Variants in LAYN observed in about 807,000 individuals in gnomAD.
The protein encoded by LAYN is layilin.
LAYN carries 38 observed loss-of-function variants against 43.6 expected under a neutral mutation model. The observed-to-expected ratio is 0.87, with a 90% confidence interval of 0.67 to 1.14. The LOEUF (loss-of-function observed/expected upper bound fraction) is 1.14, where lower values mean the gene tolerates loss of function less well. Among genes scored for constraint, LAYN ranks in the 50% most tolerant of loss-of-function variants. LAYN has a pLI of 0.00. For missense variants in LAYN, 479 were observed against 463.8 expected (o/e 1.03, Z -0.30); for synonymous variants, 168 against 172.9 (o/e 0.97, Z 0.22).
chr11:111,545,665 C>A (rs73555151), intron 2 of LAYN, among the ~76,000 whole-genome samples: 3,137 of 152,246 alleles, frequency 0.021, 119 homozygotes, highest in African/African-American at 0.071. Context: ...CTTGTATCTT[C>A]TGACAGTCCC....
chr11:111,557,231 G>A (rs1867862724), intron 5 of LAYN, among the ~76,000 whole-genome samples: 1 of 151,866 alleles, frequency 6.6e-6, no homozygotes, highest in Admixed American at 6.6e-5. Context: ...ATATTTGGAA[G>A]ACCTAAAAAT....
chr11:111,554,191 G>A (rs1027049397), intron 3 of LAYN, among the ~76,000 whole-genome samples: 3 of 152,138 alleles, frequency 2.0e-5, no homozygotes, highest in Non-Finnish European at 2.9e-5. Context: ...GCAGGGGAGA[G>A]GAGTAGGGAT....
intron 2 of LAYN, 57 bp downstream of exon 2, chr11:111,544,277 A>C: frequency 6.5e-7 from 1 of 1,533,316 alleles, no homozygotes; most frequent in Non-Finnish European, 8.8e-7. Flanking sequence ...AAAAAGAGGC[A>C]GGCTGGATCC....
At chr11:111,542,325 C>G (rs870360) in intron 1 of LAYN, among the ~76,000 whole-genome samples, 1,628 of 152,244 alleles carry the variant, frequency 0.011, 40 homozygotes, top group African/African-American at 0.037. Flanking sequence ...TAGAGTTTCT[C>G]TATTATCAGC....
intron 6 of LAYN, among the ~76,000 whole-genome samples, chr11:111,558,067 A>T (rs1867876940): frequency 6.6e-6 from 1 of 152,230 alleles, no homozygotes. Context: ...AAACCACTTA[A>T]TTCAAACTGA....
chr11:111,540,984 G>C, intron 1 of LAYN, 56 bp downstream of exon 1: 1 of 1,475,864 alleles, frequency 6.8e-7, no homozygotes, highest in Non-Finnish European at 9.1e-7. Flanking sequence ...CTGCACCCCA[G>C]CTGCTGCTGA....
At chr11:111,546,755 A>G (rs1485587072) in intron 2 of LAYN, among the ~76,000 whole-genome samples, 2 of 152,186 alleles carry the variant, frequency 1.3e-5, no homozygotes, top group Non-Finnish European at 2.9e-5. Flanking sequence ...TTCCTTGCTC[A>G]TGATGGGCAG....
chr11:111,546,757 G>T (rs999063967), intron 2 of LAYN, among the ~76,000 whole-genome samples: 2 of 152,220 alleles, frequency 1.3e-5, no homozygotes, highest in Non-Finnish European at 2.9e-5. Flanking sequence ...CCTTGCTCAT[G>T]ATGGGCAGGT....
chr11:111,543,909 T>C lies in LAYN; in HGVS notation c.86-14T>C, dbSNP rs1867593896. 6.3e-7 allele frequency: 1 copy of C among 1,593,202 alleles called. No homozygotes were observed. The highest frequency in any genetic ancestry group is 2.2e-5 in the East Asian group (1 of 44,746). Reference sequence around the variant, plus strand: ...TTTGAGACACTGAAATAGATTGGCTTCTTTTTTCTCTAGGGCAGCCAGTCT... The same window carrying C: ...TTTGAGACACTGAAATAGATTGGCTCCTTTTTTCTCTAGGGCAGCCAGTCT... On this transcript the variant is annotated splice_polypyrimidine_tract_variant and intron_variant, in intron 1 of 6. Coordinates refer to ENST00000375614, the MANE Select transcript of LAYN (RefSeq NM_178834.5).
Position 111,560,012 on chromosome 11 carries a change from T to G in LAYN, c.762-83T>G, listed in dbSNP as rs573713445. On this transcript the variant is annotated intron_variant, in intron 6 of 6. Coordinates refer to ENST00000375614, the MANE Select transcript of LAYN (RefSeq NM_178834.5). Reference sequence around the variant, plus strand: ...CAGCTGGGTGACTGCCCAGGGCTGCTTCCTCTCGTCTCAACAGGAAGCACA... The same window carrying G: ...CAGCTGGGTGACTGCCCAGGGCTGCGTCCTCTCGTCTCAACAGGAAGCACA... 1.7e-5 allele frequency: 25 copies of G among 1,489,296 alleles called. No homozygotes were observed. In the Admixed American group the frequency reaches 5.5e-4, roughly 33 times the overall value. 92.3% of individuals were successfully genotyped at this position (1,489,296 alleles called of 1,614,324 possible).
At chr11:111,540,975 T>G (rs1308240234) in intron 1 of LAYN, 47 bp downstream of exon 1, 1 of 1,482,418 alleles carries the variant, frequency 6.7e-7, no homozygotes, top group Non-Finnish European at 9.0e-7. Context: ...GTGGGCTCAC[T>G]GCACCCCAGC....
At chr11:111,554,618 G>A in intron 4 of LAYN, 25 bp downstream of exon 4, 1 of 1,605,186 alleles carries the variant, frequency 6.2e-7, no homozygotes, top group Non-Finnish European at 8.5e-7. Flanking sequence ...TGAGATTTGG[G>A]TTAACTGGGG....
chr11:111,560,544 G>GTC lies in LAYN; in HGVS notation c.*86_*87insTC. ...TTTTCTATAAGGAAAATACACAGAA[G>GTC]GTCTATGAACAAGCTTAGATCAGGT... is the stretch of plus-strand genomic sequence containing the variant. On this transcript the variant is annotated 3_prime_UTR_variant, in exon 7 of 7. Transcript: ENST00000375614. 7.1e-7 allele frequency: 1 copy of GTC among 1,412,128 alleles called. No individual in the cohort carries two copies. Among genetic ancestry groups the GTC allele is most frequent in the Non-Finnish European group, 9.6e-7 (1 of 1,045,460 alleles). 87.5% of individuals were successfully genotyped at this position (1,412,128 alleles called of 1,614,324 possible). A position where few individuals can be genotyped will look rare whatever the true frequency, so the allele number is the denominator to read the frequency against.
At chr11:111,546,869 A>G (rs1242471679) in intron 2 of LAYN, among the ~76,000 whole-genome samples, 1 of 152,182 alleles carries the variant, frequency 6.6e-6, no homozygotes, top group Non-Finnish European at 1.5e-5. Context: ...CCTTGCTTCA[A>G]AATCCTATGG....
chr11:111,560,554 C>T lies in LAYN; in HGVS notation c.*96C>T. The T allele has an allele frequency of 7.4e-7, 1 of 1,355,634 alleles. No homozygotes were observed. Among genetic ancestry groups the T allele is most frequent in the Non-Finnish European group, 1.0e-6 (1 of 1,000,596 alleles). 84.0% of individuals were successfully genotyped at this position (1,355,634 alleles called of 1,614,324 possible). ...GGAAAATACACAGAAGGTCTATGAA[C>T]AAGCTTAGATCAGGTCCTGTGGATG... On this transcript the variant is annotated 3_prime_UTR_variant, in exon 7 of 7. Transcript: ENST00000375614.
rs952359683 is a variant in LAYN, at chr11:111,551,442, T to C, written c.541+1667T>C. The C allele has an allele frequency of 6.1e-5, 28 of 455,830 alleles. No individual in the cohort carries two copies. The Admixed American group carries it at 6.6e-4, about 11-fold the overall frequency. The allele number at this position is 455,830 out of a possible 1,614,324, so 28.2% of individuals were successfully genotyped here. A position where few individuals can be genotyped will look rare whatever the true frequency, so the allele number is the denominator to read the frequency against. ...AGAGAATGGATCCAACAGAGGGAGGTGGGCACATGGAGAAAAACTAACACA... is the reference window on the plus strand; with the variant it reads ...AGAGAATGGATCCAACAGAGGGAGGCGGGCACATGGAGAAAAACTAACACA... On this transcript the variant is annotated intron_variant, in intron 3 of 6. Transcript: ENST00000375614.
chr11:111,543,913 T>C lies in LAYN; in HGVS notation c.86-10T>C, dbSNP rs1195274910. On this transcript the variant is annotated splice_polypyrimidine_tract_variant and intron_variant, in intron 1 of 6. Coordinates refer to ENST00000375614, the MANE Select transcript of LAYN (RefSeq NM_178834.5). ...AGACACTGAAATAGATTGGCTTCTTTTTTCTCTAGGGCAGCCAGTCTGCCG... is the reference window on the plus strand; with the variant it reads ...AGACACTGAAATAGATTGGCTTCTTCTTTCTCTAGGGCAGCCAGTCTGCCG... 2.5e-6 allele frequency: 4 copies of C among 1,594,490 alleles called. No individual in the cohort carries two copies. The highest frequency in any genetic ancestry group is 2.6e-6 in the Non-Finnish European group (3 of 1,172,866).
At chr11:111,551,947 G>T (rs370913044) in intron 3 of LAYN, among the ~76,000 whole-genome samples, 1 of 151,958 alleles carries the variant, frequency 6.6e-6, no homozygotes, top group South Asian at 2.1e-4. Context: ...AAAATCTTTA[G>T]GAGTAAAGGG....
intron 6 of LAYN, 79 bp downstream of exon 6, chr11:111,557,722 T>C: frequency 8.6e-7 from 1 of 1,161,388 alleles, no homozygotes. Flanking sequence ...TTTACTTCAT[T>C]AAAACCCACG....
Sources: gnomAD v4.1 joint callset for allele counts (sites outside exome capture counted in the v4.1 genomes callset) on GRCh38, gnomAD v4.1.1 for gene constraint, MANE v1.5 for transcripts, NCBI Gene and HGNC (gene_info 2026-07-23, HGNC 2026-07-21) for gene names.